The following ARHGAP32 variants were observed in gnomAD, a reference collection of about 807,000 sequenced individuals.
The protein encoded by ARHGAP32 is rho GTPase-activating protein 32.
Under a neutral mutation model 186.5 loss-of-function variants are expected in ARHGAP32, and 51 were observed. The observed-to-expected ratio is 0.27, with a 90% CI of 0.22 to 0.35. ARHGAP32 has a LOEUF of 0.35. Ranked by LOEUF, ARHGAP32 falls within the 10% of genes least tolerant of loss-of-function variation. The pLI is 1.00. For missense variants in ARHGAP32, 2,186 were observed against 2,623.5 expected (o/e 0.83, Z 3.64); for synonymous variants, 950 against 964.3 (o/e 0.99, Z 0.27).
intron 6 of ARHGAP32, among the ~76,000 whole-genome samples, chr11:129,071,998 A>C (rs78464714): frequency 0.014 from 2,069 of 152,332 alleles, 21 homozygotes; most frequent in South Asian, 0.031. Flanking sequence ...GTAGAATCTG[A>C]ATCAACTGAA....
At chr11:129,257,257 A>G (rs4343030) in intron 1 of ARHGAP32, among the ~76,000 whole-genome samples, 98,249 of 152,004 alleles carry the variant, frequency 0.65, 32,149 homozygotes, top group Admixed American at 0.75. Context: ...TTTTAAGTCT[A>G]GCAACTTACA....
chr11:129,016,018 A>T (rs1008322784), intron 11 of ARHGAP32, among the ~76,000 whole-genome samples: 1 of 152,124 alleles, frequency 6.6e-6, no homozygotes, highest in Non-Finnish European at 1.5e-5. Context: ...TATACACTCT[A>T]ATTAGATGTA....
At chr11:128,989,553 C>CACACACACACACACAG (rs1555065837) in intron 12 of ARHGAP32, among the ~76,000 whole-genome samples, 1 of 150,512 alleles carries the variant, frequency 6.6e-6, no homozygotes, top group South Asian at 2.1e-4. Context: ...CACACACACA[C>CACACACACACACACAG]ACATACATAT....
Position 129,108,537 on chromosome 11 carries a change from T to G in ARHGAP32, c.445-14830A>C, listed in dbSNP as rs139300424. Reference sequence around the variant, plus strand: ...TAGGCAGTTCTACAAAAGCACTAGTTGAGTTCAATATGACCTTTCGATAAT... The same window carrying G: ...TAGGCAGTTCTACAAAAGCACTAGTGGAGTTCAATATGACCTTTCGATAAT... On this transcript the variant is annotated intron_variant, in intron 5 of 22. Coordinates refer to ENST00000682385, the MANE Select transcript of ARHGAP32 (RefSeq NM_001378024.1). 2.0e-5 allele frequency among the ~76,000 whole-genome samples: 3 copies of G among 152,280 alleles called. No homozygotes were observed. The East Asian group carries it at 5.8e-4, about 29-fold the overall frequency.
chr11:129,250,633 C>T (rs926361635), intron 1 of ARHGAP32, among the ~76,000 whole-genome samples: 1 of 152,198 alleles, frequency 6.6e-6, no homozygotes, highest in African/African-American at 2.4e-5. Flanking sequence ...CTCCTACCAT[C>T]CAAAGTGAAA....
chr11:129,015,240 A>G (rs1365974872), intron 11 of ARHGAP32, among the ~76,000 whole-genome samples: 1 of 152,190 alleles, frequency 6.6e-6, no homozygotes, highest in East Asian at 1.9e-4. Context: ...TCTAGAGACC[A>G]GTTTTAGGAT....
At chr11:129,014,046 T>C (rs556438826) in intron 11 of ARHGAP32, among the ~76,000 whole-genome samples, 2 of 152,142 alleles carry the variant, frequency 1.3e-5, no homozygotes, top group Non-Finnish European at 2.9e-5. Flanking sequence ...ATATAAAAAA[T>C]AAAATGCAAA....
In ARHGAP32 at chr11:129,192,030, C is replaced by A. The variant is rs137994495; in HGVS notation, c.116+53G>T. The A allele has an allele frequency of 1.4e-3, 1,732 of 1,271,506 alleles. 16 individuals carry two copies. In the East Asian group the frequency reaches 0.019, roughly 14 times the overall value. The allele number at this position is 1,271,506 out of a possible 1,614,324, so 78.8% of individuals were successfully genotyped here. On this transcript the variant is annotated intron_variant, in intron 1 of 22. Coordinates refer to ENST00000682385, the MANE Select transcript of ARHGAP32 (RefSeq NM_001378024.1). ...GAAATGCAGAGAAGAAAAAGGGGTG[C>A]GGGTGGGGGTAGGGAGTGGACAGGA... is the stretch of plus-strand genomic sequence containing the variant.
chr11:128,982,585 T>G (rs893584669), intron 15 of ARHGAP32, among the ~76,000 whole-genome samples: 4 of 149,874 alleles, frequency 2.7e-5, no homozygotes, highest in Non-Finnish European at 5.9e-5. Flanking sequence ...GTGCCCAGAG[T>G]AAAACTACTA....
chr11:129,023,799 T>C, intron 11 of ARHGAP32: 1 of 741,076 alleles, frequency 1.3e-6, no homozygotes, highest in Non-Finnish European at 1.6e-6. Context: ...ATAGTTTCAG[T>C]GAAAAATTCT....
intron 5 of ARHGAP32, among the ~76,000 whole-genome samples, chr11:129,115,376 A>G (rs1339738426): frequency 6.6e-6 from 1 of 152,142 alleles, no homozygotes; most frequent in Non-Finnish European, 1.5e-5. Flanking sequence ...CTTCAGATTT[A>G]CCAGGAAAAA....
chr11:129,021,255 C>A (rs1203314156), intron 11 of ARHGAP32, among the ~76,000 whole-genome samples: 2 of 151,904 alleles, frequency 1.3e-5, no homozygotes, highest in South Asian at 2.1e-4. Flanking sequence ...AGAAAAGAAT[C>A]TTTTAGACAC....
At chr11:129,202,579 T>A (rs1451537010) in intron 1 of ARHGAP32, among the ~76,000 whole-genome samples, 1 of 152,164 alleles carries the variant, frequency 6.6e-6, no homozygotes, top group Non-Finnish European at 1.5e-5. Context: ...TTAAACAGAT[T>A]CTTTTCATAT....
At chr11:129,230,997 T>C (rs2076762501) in intron 1 of ARHGAP32, among the ~76,000 whole-genome samples, 1 of 151,848 alleles carries the variant, frequency 6.6e-6, no homozygotes, top group South Asian at 2.1e-4. Flanking sequence ...TAGCCGGCCA[T>C]GGTGGTGGGT....
intron 1 of ARHGAP32, among the ~76,000 whole-genome samples, chr11:129,229,629 T>C (rs996286928): frequency 1.3e-5 from 2 of 152,066 alleles, no homozygotes; most frequent in Non-Finnish European, 1.5e-5. Context: ...ACACAAAAGG[T>C]AGCGTAGTGG....
rs373791354 is a variant in ARHGAP32 at position 128,969,133 on chromosome 11, C to T, written c.6080G>A (p.Arg2027His). The T allele has an allele frequency of 2.5e-5, 40 of 1,606,478 alleles. No individual in the cohort carries two copies. Among genetic ancestry groups the T allele is most frequent in the East Asian group, 1.1e-4 (5 of 44,696 alleles). ...VLYQYQPHGK[R>H]QSSVTVVSQY... is the part of the protein sequence containing the mutation. ...GGACACAACAGTCACACTGCTCTGG[C>T]GCTTGCCGTGTGGTTGGTACTGGTA... is the stretch of plus-strand genomic sequence containing the variant. Residue 2027 changes from arginine (R) to histidine (H), a missense_variant, in exon 23 of 23, where the codon CGC becomes CAC. Transcript: ENST00000682385. The surrounding 1 kb of genome is among the most constrained non-coding windows in gnomAD (Gnocchi z 4.8).
intron 6 of ARHGAP32, among the ~76,000 whole-genome samples, chr11:129,086,030 CA>C (rs1056366501): frequency 2.9e-5 from 4 of 137,406 alleles, no homozygotes; most frequent in Non-Finnish European, 6.5e-5. Context: ...AAAAAAAAAA[CA>C]AAAAAAAGAA....
In ARHGAP32 at chr11:128,974,200, T is replaced by C. The variant is rs1476250013; in HGVS notation, c.2997A>G (p.Val999=). Residue 999 remains valine, a synonymous_variant, in exon 21 of 23, where the codon GTA becomes GTG. Coordinates refer to ENST00000682385, the MANE Select transcript of ARHGAP32 (RefSeq NM_001378024.1). ...QPLDQVAAEE[V]ELPGKEDQSV... ...ACTGATCCTCTTTCCCTGGCAATTCTACTTCTTCAGCAGCCACCTGGTCCA... is the reference window on the plus strand; with the variant it reads ...ACTGATCCTCTTTCCCTGGCAATTCCACTTCTTCAGCAGCCACCTGGTCCA... 6.2e-7 allele frequency: 1 copy of C among 1,614,238 alleles called. No individual in the cohort carries two copies. Among genetic ancestry groups the C allele is most frequent in the African/African-American group, 1.3e-5 (1 of 75,074 alleles).
chr11:129,271,110 T>C (rs1382139418), intron 1 of ARHGAP32, among the ~76,000 whole-genome samples: 4 of 152,204 alleles, frequency 2.6e-5, no homozygotes, highest in African/African-American at 9.7e-5. Flanking sequence ...ATTAAGTATA[T>C]TGGAAAGCCA....
Sources: allele counts gnomAD v4.1 joint callset (sites outside exome capture counted in the v4.1 genomes callset), GRCh38; gene constraint gnomAD v4.1.1; non-coding constraint Gnocchi (gnomAD v3.1); transcripts MANE v1.5; gene names NCBI Gene and HGNC (gene_info 2026-07-23, HGNC 2026-07-21).